The following YTHDF2 variants were observed in gnomAD, a reference collection of about 807,000 sequenced individuals.
The protein encoded by YTHDF2 is YTH N6-methyladenosine RNA binding protein F2.
A neutral mutation model predicts 50.4 loss-of-function variants in YTHDF2; 2 were observed. That is an observed-to-expected ratio of 0.04 (90% CI 0.02 to 0.12). The LOEUF is 0.12. YTHDF2 is among the 10% of genes least tolerant of loss of function. The probability of loss-of-function intolerance (pLI) is 1.00; values close to 1 mark genes in which losing one functional copy is unlikely to be tolerated. For synonymous variants in YTHDF2, 217 were observed against 255.6 expected (o/e 0.85, Z 1.44); for missense variants, 483 against 722.6 (o/e 0.67, Z 3.80).
chr1:28,767,741 C>T (rs2088239411), intron 4 of YTHDF2, among the ~76,000 whole-genome samples: 1 of 150,730 alleles, frequency 6.6e-6, no homozygotes, highest in Admixed American at 6.6e-5. Context: ...ATCTCCTGAC[C>T]TCGTGATCCG....
rs768700835 is a variant in YTHDF2, at chr1:28,743,845, C to T, written c.1575C>T (p.Asn525=). 2 of 1,613,894 alleles carry T rather than the reference C, an allele frequency of 1.2e-6. No individual in the cohort carries two copies. The highest frequency in any genetic ancestry group is 1.7e-5 in the Admixed American group (1 of 59,982). ...ACAACGAGAATAAACCAGTGACCAA[C>T]TCTAGGGACACTCAGGAAGTGCCTC... is the stretch of plus-strand genomic sequence containing the variant. ...LENNENKPVT[N]SRDTQEVPLE... The change falls in exon 4 of 5, where the codon AAC becomes AAT. Residue 525 remains asparagine, a synonymous_variant. Transcript: ENST00000373812. The surrounding 1 kb of genome is among the most constrained non-coding windows in gnomAD (Gnocchi z 6.9).
At chr1:28,736,815 T>G, upstream of YTHDF2, 2 of 358,630 alleles carry the variant, frequency 5.6e-6, no homozygotes, top group Non-Finnish European at 5.1e-6. Context: ...CGTGGGTGAG[T>G]GAATGTGAGA....
chr1:28,737,401 C>G (rs2087709718), intron 1 of YTHDF2: 1 of 635,942 alleles, frequency 1.6e-6, no homozygotes, highest in Admixed American at 3.5e-5. Flanking sequence ...GTTTTCCTTC[C>G]TTGTTTCCTT....
chr1:28,747,627 C>T (rs2087884882), intron 4 of YTHDF2, among the ~76,000 whole-genome samples: 1 of 146,056 alleles, frequency 6.8e-6, no homozygotes. Flanking sequence ...ACTGTGTTAG[C>T]CAGGATGGTC....
intron 4 of YTHDF2, among the ~76,000 whole-genome samples, chr1:28,747,927 C>T (rs1570467958): frequency 6.6e-6 from 1 of 151,358 alleles, no homozygotes; most frequent in East Asian, 2.0e-4. Context: ...AGATCAAGAC[C>T]ATCCTGGCTA....
intron 4 of YTHDF2, among the ~76,000 whole-genome samples, chr1:28,763,871 G>GTTT (rs58507391): frequency 1.5e-4 from 21 of 142,520 alleles, no homozygotes; most frequent in African/African-American, 3.9e-4. Context: ...ACCAACTTTT[G>GTTT]TTTTTTTTTT....
rs2088278146 is a variant in YTHDF2, at chr1:28,769,763, C to T, written c.*811C>T. 1 of 152,592 alleles carries T rather than the reference C, an allele frequency of 6.6e-6. No homozygotes were observed. The highest frequency in any genetic ancestry group is 1.5e-5 in the Non-Finnish European group (1 of 68,032). 9.5% of individuals were successfully genotyped at this position (152,592 alleles called of 1,614,324 possible). On this transcript the variant is annotated 3_prime_UTR_variant, in exon 5 of 5. Coordinates refer to ENST00000373812, the MANE Select transcript of YTHDF2 (RefSeq NM_016258.3). ...ATCACTTCTCAATAAACGTGAGATC[C>T]TGTTGAGCATCACTTCTAGTACCAT...
At chr1:28,760,837 C>T (rs566651510) in intron 4 of YTHDF2, among the ~76,000 whole-genome samples, 5 of 152,274 alleles carry the variant, frequency 3.3e-5, no homozygotes, top group African/African-American at 9.6e-5. Context: ...GCCTCTGCCT[C>T]CCAAAGTGCT....
chr1:28,768,499 A>G (rs897544645), intron 4 of YTHDF2, among the ~76,000 whole-genome samples: 4 of 152,084 alleles, frequency 2.6e-5, no homozygotes, highest in Non-Finnish European at 4.4e-5. Context: ...AAGGAAATTG[A>G]GGACTTATGA....
chr1:28,737,964 T>C (rs1032574971), intron 2 of YTHDF2: 7 of 574,832 alleles, frequency 1.2e-5, no homozygotes, highest in Non-Finnish European at 2.2e-5. Context: ...TTTTTCATCC[T>C]CGTGGATCAC....
intron 4 of YTHDF2, among the ~76,000 whole-genome samples, chr1:28,766,316 C>T (rs1182481195): frequency 6.6e-6 from 1 of 152,026 alleles, no homozygotes; most frequent in Admixed American, 6.6e-5. Context: ...AGGGCTTTGC[C>T]AGGTTGCCCA....
chr1:28,760,495 C>A (rs1229400165), intron 4 of YTHDF2, among the ~76,000 whole-genome samples: 1 of 151,962 alleles, frequency 6.6e-6, no homozygotes, highest in Admixed American at 6.6e-5. Context: ...GGGGTTTCAC[C>A]GTGTTAGCCA....
chr1:28,742,062 C>CTTTTTTTT (rs2087784741), intron 3 of YTHDF2, among the ~76,000 whole-genome samples: 1 of 61,672 alleles, frequency 1.6e-5, no homozygotes. Context: ...TTTTTTTTTC[C>CTTTTTTTT]TGGAGATGGA....
chr1:28,766,268 TGTGTATG>T (rs1178440582), intron 4 of YTHDF2, among the ~76,000 whole-genome samples: 5 of 25,578 alleles, frequency 2.0e-4, no homozygotes, highest in African/African-American at 1.9e-3. Context: ...ATTTTGTGTG[TGTGTATG>T]TGTGTATGTA....
chr1:28,760,070 C>T (rs920690294), intron 4 of YTHDF2, among the ~76,000 whole-genome samples: 2 of 152,130 alleles, frequency 1.3e-5, no homozygotes, highest in African/African-American at 4.8e-5. Context: ...TCTTAACCAC[C>T]ACATCTTGTT....
chr1:28,758,120 A>G (rs1161701491), intron 4 of YTHDF2, among the ~76,000 whole-genome samples: 2 of 151,966 alleles, frequency 1.3e-5, no homozygotes, highest in Admixed American at 1.3e-4. Flanking sequence ...TAAAATTGCT[A>G]ACTGGCCGGG....
In YTHDF2 at chr1:28,745,471, C is replaced by T. The variant is rs529767987; in HGVS notation, c.1716+1485C>T. On this transcript the variant is annotated intron_variant, in intron 4 of 4. Coordinates refer to ENST00000373812, the MANE Select transcript of YTHDF2 (RefSeq NM_016258.3). ...ATATTAAGCCTGGCGTCATGGCTCA[C>T]GCCTATAATCCCAGCACTTTGGGAG... is the stretch of plus-strand genomic sequence containing the variant. Among the ~76,000 whole-genome samples, 46 of 152,330 alleles carry T rather than the reference C, an allele frequency of 3.0e-4. No homozygotes were observed. In the Middle Eastern group the frequency reaches 0.017, roughly 56 times the overall value.
At chr1:28,741,424 A>C (rs2087774659) in intron 3 of YTHDF2, among the ~76,000 whole-genome samples, 2 of 152,110 alleles carry the variant, frequency 1.3e-5, no homozygotes, top group African/African-American at 4.8e-5. Context: ...CAGCCTCCTG[A>C]GTAGCTGGGC....
intron 3 of YTHDF2, among the ~76,000 whole-genome samples, chr1:28,741,154 C>G (rs1028732674): frequency 6.6e-6 from 1 of 151,670 alleles, no homozygotes; most frequent in South Asian, 2.1e-4. Context: ...GGTGCCACCA[C>G]GCCTGGCTAA....
Sources: gnomAD v4.1 joint callset for allele counts (sites outside exome capture counted in the v4.1 genomes callset) on GRCh38, gnomAD v4.1.1 for gene constraint, Gnocchi (gnomAD v3.1) non-coding constraint, MANE v1.5 for transcripts, NCBI Gene and HGNC (gene_info 2026-07-23, HGNC 2026-07-21) for gene names.